Variants in MAP4 observed in about 807,000 individuals in gnomAD.
MAP4 encodes the protein microtubule-associated protein 4.
In MAP4, 76 loss-of-function variants were observed where a neutral mutation model predicts 170.2. The observed-to-expected ratio is 0.45, with a 90% CI of 0.37 to 0.54. MAP4 has a LOEUF of 0.54. Ranked by LOEUF, MAP4 falls within the 20% of genes least tolerant of loss-of-function variation. MAP4 has a pLI of 0.00. For missense variants in MAP4, 2,506 were observed against 2,748.0 expected (o/e 0.91, Z 1.97); for synonymous variants, 909 against 994.5 (o/e 0.91, Z 1.62).
rs201297487 is a variant in MAP4 at position 47,926,287 on chromosome 3, G to A, written c.415+1941C>T. On this transcript the variant is annotated intron_variant, in intron 4 of 20. Coordinates refer to ENST00000683076, the MANE Select transcript of MAP4 (RefSeq NM_001385682.1). ...CAACCTCTGCCTCCCGGGCTCAAAC[G>A]ATCCTCCAACCTCAGCCTCCCAAGT... Among the ~76,000 whole-genome samples the A allele has an allele frequency of 3.3e-5, 5 of 152,036 alleles. No individual in the cohort carries two copies. The East Asian group carries it at 5.8e-4, about 18-fold the overall frequency.
intron 4 of MAP4, among the ~76,000 whole-genome samples, chr3:47,924,286 C>A (rs1313110696): frequency 2.0e-5 from 3 of 152,046 alleles, no homozygotes; most frequent in Non-Finnish European, 4.4e-5. Flanking sequence ...GAAGACAAAC[C>A]TTTTCTCTCT....
At chr3:47,881,577 C>T (rs2096775791) in intron 10 of MAP4, among the ~76,000 whole-genome samples, 1 of 145,194 alleles carries the variant, frequency 6.9e-6, no homozygotes, top group African/African-American at 2.6e-5. Flanking sequence ...TAACTTTCAA[C>T]CTACCTATGT....
chr3:47,947,804 CAAAAAAAAAAAA>C (rs554803000), intron 3 of MAP4, among the ~76,000 whole-genome samples: 2 of 50,418 alleles, frequency 4.0e-5, no homozygotes, highest in Non-Finnish European at 8.2e-5. Context: ...GAGAGAGTCT[CAAAAAAAAAAAA>C]AAAGAAAAGA....
chr3:48,040,805 C>T (rs1379172247), intron 1 of MAP4, among the ~76,000 whole-genome samples: 1 of 152,206 alleles, frequency 6.6e-6, no homozygotes, highest in African/African-American at 2.4e-5. Flanking sequence ...TTATGATCTG[C>T]CCGCCTCAGC....
intron 1 of MAP4, among the ~76,000 whole-genome samples, chr3:48,042,707 C>T (rs779390718): frequency 1.2e-4 from 18 of 152,076 alleles, no homozygotes; most frequent in Non-Finnish European, 2.4e-4. Context: ...GGGAGCTCCT[C>T]AAAAGATTAA....
chr3:47,983,698 G>A (rs983713333), intron 2 of MAP4, among the ~76,000 whole-genome samples: 21 of 151,464 alleles, frequency 1.4e-4, no homozygotes, highest in African/African-American at 4.8e-4. Flanking sequence ...AATTCTATTT[G>A]TATAAAGACA....
In MAP4 at chr3:47,869,326, G is replaced by A. The variant is rs199605842; in HGVS notation, c.6296C>T (p.Ala2099Val). 20 of 1,606,522 alleles carry A rather than the reference G, an allele frequency of 1.2e-5. No individual in the cohort carries two copies. In the Admixed American group the frequency reaches 3.3e-4, roughly 27 times the overall value. ...TGCCTCTGTTTTTTTCTCTACTTTG[G>A]CCTGGATGGAGATAAAGGGAGGGCA... The part of the protein sequence containing the change: ...NIKHQPGGGR[A>V]KVEKKTEAAA... The change falls in exon 16 of 21, where the codon GCC becomes GTC. Residue 2099 changes from alanine to valine, a missense_variant and splice_region_variant. Ala to Val is a moderately conservative substitution (Grantham distance 64). This residue lies in a region of MAP4 where 487 missense variants were observed against 511.6 expected (regional missense o/e 0.95). Coordinates refer to ENST00000683076, the MANE Select transcript of MAP4 (RefSeq NM_001385682.1).
chr3:48,005,519 A>G (rs1345021016), intron 1 of MAP4, among the ~76,000 whole-genome samples: 3 of 152,180 alleles, frequency 2.0e-5, no homozygotes, highest in Admixed American at 6.5e-5. Flanking sequence ...CTCTGCATTT[A>G]ATGTTGCAGC....
intron 1 of MAP4, among the ~76,000 whole-genome samples, chr3:48,007,997 G>C (rs1363193341): frequency 6.6e-6 from 1 of 152,134 alleles, no homozygotes; most frequent in African/African-American, 2.4e-5. Context: ...CTGGGCTTTA[G>C]TGGAAATTGA....
In MAP4 at chr3:47,908,219, T is replaced by TG. The variant is rs1441641732; in HGVS notation, c.5383+818dup. Among the ~76,000 whole-genome samples, 4 of 113,606 alleles carry TG rather than the reference T, an allele frequency of 3.5e-5. No individual in the cohort carries two copies. In the Admixed American group the frequency reaches 4.0e-4, roughly 11 times the overall value. The allele number at this position is 113,606 out of a possible 152,430, so 74.5% of individuals were successfully genotyped here. On this transcript the variant is annotated intron_variant, in intron 9 of 20. Coordinates refer to ENST00000683076, the MANE Select transcript of MAP4 (RefSeq NM_001385682.1). ...GTATACTTTTTTGGGGAATTGGGGGTGGGGGGAAACGGGGCTACCATTTCT... is the reference window on the plus strand; with the variant it reads ...GTATACTTTTTTGGGGAATTGGGGGTGGGGGGGAAACGGGGCTACCATTTCT...
chr3:48,087,729 GCACACACACGCACGCGCACA>G (rs1160634189), intron 1 of MAP4, among the ~76,000 whole-genome samples: 19 of 117,852 alleles, frequency 1.6e-4, no homozygotes, highest in African/African-American at 4.0e-4. Flanking sequence ...ACACGCACGC[GCACACACACGCACGCGCACA>G]CACACACACA....
At chr3:48,080,558 G>A (rs1309703974) in intron 1 of MAP4, among the ~76,000 whole-genome samples, 1 of 152,158 alleles carries the variant, frequency 6.6e-6, no homozygotes, top group Non-Finnish European at 1.5e-5. Flanking sequence ...GTGAGAATAG[G>A]TCATTTGGCC....
At chr3:48,053,713 G>A (rs954178389) in intron 1 of MAP4, among the ~76,000 whole-genome samples, 3 of 152,032 alleles carry the variant, frequency 2.0e-5, no homozygotes, top group Admixed American at 6.6e-5. Context: ...TCAGGCACTC[G>A]ACCTAGGGGA....
In MAP4 at chr3:47,916,071, G is replaced by A; in HGVS notation, c.1756C>T (p.Pro586Ser). The change falls in exon 7 of 21, where the codon CCA (proline) becomes TCA (serine). Residue 586 changes from proline to serine, a missense_variant. Physicochemically the swap from Pro to Ser is moderately conservative, Grantham distance 74. Coordinates refer to ENST00000683076, the MANE Select transcript of MAP4 (RefSeq NM_001385682.1). ...VPPLSETEAT[P>S]VPIKDMEIAQ... ...ATTTCCATGTCTTTAATTGGAACTGGTGTTGCCTCTGTTTCTGAGAGTGGT... is the reference window on the plus strand; with the variant it reads ...ATTTCCATGTCTTTAATTGGAACTGATGTTGCCTCTGTTTCTGAGAGTGGT... 6.2e-7 allele frequency: 1 copy of A among 1,614,208 alleles called. No individual in the cohort carries two copies.
intron 3 of MAP4, among the ~76,000 whole-genome samples, chr3:47,939,830 G>A (rs1225452491): frequency 6.6e-6 from 1 of 151,156 alleles, no homozygotes; most frequent in Non-Finnish European, 1.5e-5. Flanking sequence ...TTTTGTTGTT[G>A]TTGTTTTTTT....
chr3:47,895,647 C>A (rs762752318), intron 10 of MAP4, among the ~76,000 whole-genome samples: 4 of 152,216 alleles, frequency 2.6e-5, no homozygotes, highest in Non-Finnish European at 5.9e-5. Flanking sequence ...ATTTTTAGTT[C>A]TGGCCAGCCT....
rs561552319 is a variant in MAP4 at position 48,069,376 on chromosome 3, CAGAT to C, written c.-20+19393_-20+19396del. ...AACCTTGATTTTATAAATAAGGAAA[CAGAT>C]AGACTGATCTGCCCCAGACCTCACA... On this transcript the variant is annotated intron_variant, in intron 1 of 18. Transcript: ENST00000360240. 3.1e-3 allele frequency among the ~76,000 whole-genome samples: 470 copies of C among 152,290 alleles called. 3 individuals carry two copies. The highest frequency in any genetic ancestry group is 0.01 in the African/African-American group (424 of 41,574).
chr3:47,984,971 A>G (rs1397134107), intron 2 of MAP4, among the ~76,000 whole-genome samples: 2 of 151,216 alleles, frequency 1.3e-5, no homozygotes, highest in African/African-American at 4.9e-5. Flanking sequence ...CCCGTCTTAA[A>G]AAAAATTAAA....
At chr3:47,920,544 G>GTTTTT (rs71070241) in intron 5 of MAP4, among the ~76,000 whole-genome samples, 1 of 96,588 alleles carries the variant, frequency 1.0e-5, no homozygotes, top group Non-Finnish European at 2.1e-5. Context: ...CACCCAGATG[G>GTTTTT]TTTTTTTTTT....
Sources: gnomAD v4.1 joint callset for allele counts (sites outside exome capture counted in the v4.1 genomes callset) on GRCh38, gnomAD v4.1.1 for gene constraint, gnomAD v4.1.1 regional missense constraint, MANE v1.5 for transcripts, NCBI Gene and HGNC (gene_info 2026-07-23, HGNC 2026-07-21) for gene names.